MEIS2: variants seen among roughly 807,000 people sequenced by gnomAD.
MEIS2 encodes the protein Meis homeobox 2.
MEIS2 carries 9 observed loss-of-function variants against 58.6 expected under a neutral mutation model. The observed-to-expected ratio is 0.15, with a 90% CI of 0.09 to 0.27. The LOEUF (loss-of-function observed/expected upper bound fraction) is 0.27. Ranked by LOEUF, MEIS2 falls within the 10% of genes least tolerant of loss-of-function variation. The pLI, the probability that MEIS2 is intolerant of heterozygous loss-of-function variation, is 1.00. For missense variants in MEIS2, 427 were observed against 635.0 expected (o/e 0.67, Z 3.52); for synonymous variants, 221 against 228.4 (o/e 0.97, Z 0.29).
chr15:37,072,920 A>G (rs1352648454), intron 7 of MEIS2, among the ~76,000 whole-genome samples: 2 of 152,066 alleles, frequency 1.3e-5, no homozygotes, highest in Non-Finnish European at 1.5e-5. Flanking sequence ...CCTCTTCTGA[A>G]ATACCTTACA....
chr15:36,973,367 T>C (rs1394015670), intron 8 of MEIS2, among the ~76,000 whole-genome samples: 2 of 152,220 alleles, frequency 1.3e-5, no homozygotes, highest in East Asian at 1.9e-4. Flanking sequence ...AGACCTTTAT[T>C]TCAAAATGTT....
intron 9 of MEIS2, among the ~76,000 whole-genome samples, chr15:36,925,787 T>C (rs1197214298): frequency 6.6e-6 from 1 of 152,238 alleles, no homozygotes; most frequent in Non-Finnish European, 1.5e-5. Flanking sequence ...ATCTTAGTGC[T>C]GTGAGCTTGG....
chr15:37,065,323 G>A (rs1172129937), intron 7 of MEIS2, among the ~76,000 whole-genome samples: 2 of 152,142 alleles, frequency 1.3e-5, no homozygotes, highest in African/African-American at 4.8e-5. Flanking sequence ...TGGAAGTCAA[G>A]AACTAAAGAG....
chr15:37,009,653 T>C (rs1009050504), intron 8 of MEIS2, among the ~76,000 whole-genome samples: 5 of 152,242 alleles, frequency 3.3e-5, no homozygotes, highest in African/African-American at 2.4e-5. Flanking sequence ...GTCATTCAAT[T>C]TGGAAAAAGT....
chr15:36,981,795 T>A (rs2141510508), intron 8 of MEIS2, among the ~76,000 whole-genome samples: 1 of 152,228 alleles, frequency 6.6e-6, no homozygotes, highest in South Asian at 2.1e-4. Flanking sequence ...GCTGTCATCA[T>A]CCCATCTGTT....
At chr15:36,907,010 C>T (rs995723869) in intron 9 of MEIS2, among the ~76,000 whole-genome samples, 1 of 152,120 alleles carries the variant, frequency 6.6e-6, no homozygotes, top group Non-Finnish European at 1.5e-5. Context: ...ACATGTTACA[C>T]TGGGTGTTGC....
intron 7 of MEIS2, among the ~76,000 whole-genome samples, chr15:37,058,328 TGG>T (rs1888723762): frequency 6.6e-6 from 1 of 152,108 alleles, no homozygotes; most frequent in Non-Finnish European, 1.5e-5. Context: ...TTACACAGGG[TGG>T]GAGTAATAGT....
At chr15:37,025,481 A>G (rs2061671193) in intron 8 of MEIS2, among the ~76,000 whole-genome samples, 1 of 152,134 alleles carries the variant, frequency 6.6e-6, no homozygotes, top group African/African-American at 2.4e-5. Flanking sequence ...GTTTGCTTTT[A>G]TCAACACAAA....
At chr15:37,007,581 A>T (rs1048314548) in intron 8 of MEIS2, among the ~76,000 whole-genome samples, 1 of 151,920 alleles carries the variant, frequency 6.6e-6, no homozygotes, top group Non-Finnish European at 1.5e-5. Flanking sequence ...CATACCACAC[A>T]CCTTGGAACT....
At chr15:37,068,755 A>T (rs1890296181) in intron 7 of MEIS2, among the ~76,000 whole-genome samples, 1 of 151,996 alleles carries the variant, frequency 6.6e-6, no homozygotes, top group African/African-American at 2.4e-5. Flanking sequence ...TTTTTTTAGG[A>T]GTTACCTCCA....
intron 8 of MEIS2, among the ~76,000 whole-genome samples, chr15:37,002,303 C>T (rs548383857): frequency 1.5e-4 from 23 of 151,804 alleles, no homozygotes; most frequent in African/African-American, 4.1e-4. Flanking sequence ...TCCTCCTCCC[C>T]GCTTCTGCAG....
At chr15:36,976,752 C>T (rs2059773064) in intron 8 of MEIS2, among the ~76,000 whole-genome samples, 1 of 152,030 alleles carries the variant, frequency 6.6e-6, no homozygotes, top group South Asian at 2.1e-4. Context: ...ACATGCAATT[C>T]AATATTTACT....
intron 8 of MEIS2, among the ~76,000 whole-genome samples, chr15:37,014,207 G>A (rs2061263974): frequency 6.6e-6 from 1 of 152,198 alleles, no homozygotes; most frequent in Admixed American, 6.5e-5. Flanking sequence ...CGTAGACCCA[G>A]TTACAAGACA....
intron 7 of MEIS2, among the ~76,000 whole-genome samples, chr15:37,041,823 T>TA (rs1366362207): frequency 1.3e-5 from 2 of 151,818 alleles, no homozygotes; most frequent in Non-Finnish European, 2.9e-5. Context: ...CAAAAAGATT[T>TA]AAAAAAAGCT....
At chr15:37,063,049 C>T (rs1287482034) in intron 7 of MEIS2, among the ~76,000 whole-genome samples, 4 of 152,152 alleles carry the variant, frequency 2.6e-5, no homozygotes, top group East Asian at 1.9e-4. Flanking sequence ...AGCTGATCTC[C>T]GTTACCATTA....
At chr15:37,090,125 A>G (rs1893343282) in intron 6 of MEIS2, among the ~76,000 whole-genome samples, 1 of 152,068 alleles carries the variant, frequency 6.6e-6, no homozygotes, top group African/African-American at 2.4e-5. Flanking sequence ...TTTCTCCCCA[A>G]TATTCCAAAA....
intron 8 of MEIS2, among the ~76,000 whole-genome samples, chr15:37,002,742 A>C (rs550607275): frequency 6.6e-6 from 1 of 152,144 alleles, no homozygotes; most frequent in Non-Finnish European, 1.5e-5. Flanking sequence ...TTTTTCTTAC[A>C]TTTACTTTCA....
intron 9 of MEIS2, among the ~76,000 whole-genome samples, chr15:36,930,801 AACATGAGTTATTTTATCTATC>A (rs2057948896): frequency 6.6e-6 from 1 of 152,232 alleles, no homozygotes; most frequent in Admixed American, 6.5e-5. Context: ...TATAAGTACA[AACATGAGTTATTTTATCTATC>A]ACATTATATA....
At chr15:37,001,730 C>T (rs1020675642) in intron 8 of MEIS2, among the ~76,000 whole-genome samples, 7 of 152,096 alleles carry the variant, frequency 4.6e-5, no homozygotes, top group Non-Finnish European at 7.3e-5. Context: ...ATCACATGCA[C>T]TATATTATTT....
Sources: gnomAD v4.1 joint callset for allele counts (sites outside exome capture counted in the v4.1 genomes callset) on GRCh38, gnomAD v4.1.1 for gene constraint, MANE v1.5 for transcripts, NCBI Gene and HGNC (gene_info 2026-07-23, HGNC 2026-07-21) for gene names.